The following DYRK3 variants were observed in gnomAD, a reference collection of about 807,000 sequenced individuals.
DYRK3 encodes dual specificity tyrosine-phosphorylation-regulated kinase 3.
DYRK3 carries 30 observed loss-of-function variants against 40.8 expected under a neutral mutation model. The observed-to-expected ratio is 0.74, with a 90% CI of 0.55 to 1.00. DYRK3 has a LOEUF of 1.00. Ranked by LOEUF, DYRK3 falls within the 50% of genes least tolerant of loss-of-function variation. DYRK3 has a pLI of 0.00. For synonymous variants in DYRK3, 272 were observed against 260.7 expected (o/e 1.04, Z -0.42); for missense variants, 699 against 731.5 (o/e 0.96, Z 0.51).
In DYRK3 at chr1:206,648,800, C is replaced by G. The variant is rs781832844; in HGVS notation, c.1602C>G (p.Asp534Glu). The change falls in exon 3 of 3, where the codon GAC becomes GAG. Residue 534 changes from aspartate to glutamate, a missense_variant. Physicochemically the swap from Asp to Glu is conservative, Grantham distance 45. Transcript: ENST00000367109. Reference protein sequence around the residue: ...KSVPRPLTTIDKVSGKRVVNP... With the variant: ...KSVPRPLTTIEKVSGKRVVNP... ...TCCCCAGACCTCTCACCACCATAGA[C>G]AAGGTGTCAGGGAAACGGGTAGTTA... The G allele has an allele frequency of 1.2e-6, 2 of 1,614,100 alleles. No individual in the cohort carries two copies. Among genetic ancestry groups the G allele is most frequent in the African/African-American group, 2.7e-5 (2 of 74,934 alleles).
Position 206,651,596 on chromosome 1 carries a change from A to G in DYRK3, c.*2631A>G, listed in dbSNP as rs1671634258. Among the ~76,000 whole-genome samples, 1 of 152,218 alleles carries G rather than the reference A, an allele frequency of 6.6e-6. No individual in the cohort carries two copies. The highest frequency in any genetic ancestry group is 2.1e-4 in the South Asian group (1 of 4,834). ...GATATGAGCTTACATTGACTTATGA[A>G]TGGTTTTCCTGTAGGCCCAACAGTG... On this transcript the variant is annotated 3_prime_UTR_variant, in exon 3 of 3. Coordinates refer to ENST00000367109, the MANE Select transcript of DYRK3 (RefSeq NM_003582.4).
In DYRK3 at chr1:206,652,052, G is replaced by C. The variant is rs1553421393; in HGVS notation, c.*3087G>C. 6.6e-6 allele frequency among the ~76,000 whole-genome samples: 1 copy of C among 152,118 alleles called. No individual in the cohort carries two copies. The highest frequency in any genetic ancestry group is 1.5e-5 in the Non-Finnish European group (1 of 68,004). On this transcript the variant is annotated 3_prime_UTR_variant, in exon 3 of 3. Coordinates refer to ENST00000367109, the MANE Select transcript of DYRK3 (RefSeq NM_003582.4). ...ACTGTCTTCCAAGAGTGAATGCATT[G>C]GCCTTTGGAACTGCTGCTAAAGCCA...
chr1:206,646,453 T>C (rs1671457980), intron 2 of DYRK3, among the ~76,000 whole-genome samples: 1 of 151,912 alleles, frequency 6.6e-6, no homozygotes, highest in Admixed American at 6.6e-5. Flanking sequence ...GTGAAAGGAG[T>C]AGTACTCCTT....
intron 2 of DYRK3, 29 bp from the exon 3 acceptor site, chr1:206,647,359 A>G (rs782786623): frequency 2.0e-6 from 3 of 1,536,790 alleles, no homozygotes; most frequent in Non-Finnish European, 2.6e-6. Flanking sequence ...AATGTTTTTA[A>G]TGACTTATAT....
rs937980559 is a variant in DYRK3, at chr1:206,652,416, G to A, written c.*3451G>A. ...AGGGGCCTGTGGCTGAGGTTGGTGC[G>A]TGCTCTATTTCTGTGTATCGAATGG... On this transcript the variant is annotated 3_prime_UTR_variant, in exon 3 of 3. Coordinates refer to ENST00000367109, the MANE Select transcript of DYRK3 (RefSeq NM_003582.4). Among the ~76,000 whole-genome samples, 1 of 152,154 alleles carries A rather than the reference G, an allele frequency of 6.6e-6. No homozygotes were observed. Among genetic ancestry groups the A allele is most frequent in the East Asian group, 1.9e-4 (1 of 5,198 alleles).
Position 206,647,852 on chromosome 1 carries a change from G to C in DYRK3, c.654G>C (p.Gly218=), listed in dbSNP as rs782222319. Residue 218 remains glycine (G), a synonymous_variant, in exon 3 of 3, where the codon GGG becomes GGC. Coordinates refer to ENST00000367109, the MANE Select transcript of DYRK3 (RefSeq NM_003582.4). ...RYEVLKIIGK[G]SFGQVARVYD... ...AGGTGCTGAAAATTATTGGCAAGGG[G>C]AGTTTTGGGCAGGTGGCCAGGGTCT... 3 of 1,614,094 alleles carry C rather than the reference G, an allele frequency of 1.9e-6. No individual in the cohort carries two copies. Among genetic ancestry groups the C allele is most frequent in the Non-Finnish European group, 2.5e-6 (3 of 1,180,024 alleles).
At chr1:206,644,505 T>C (rs1419959207) in intron 2 of DYRK3, among the ~76,000 whole-genome samples, 1 of 152,214 alleles carries the variant, frequency 6.6e-6, no homozygotes, top group Non-Finnish European at 1.5e-5. Context: ...TGTTTGTTTT[T>C]GTTATGTAAA....
rs782012801 is a variant in DYRK3, at chr1:206,649,006, T to C, written c.*41T>C. The C allele has an allele frequency of 1.7e-5, 26 of 1,524,868 alleles. No homozygotes were observed. The highest frequency in any genetic ancestry group is 1.3e-5 in the South Asian group (1 of 78,938). 94.5% of individuals were successfully genotyped at this position (1,524,868 alleles called of 1,614,324 possible). ...CCAGAGATGCATATGTGTATATTTTTATGATCTTACAAACCTGCAAATGGA... is the reference window on the plus strand; with the variant it reads ...CCAGAGATGCATATGTGTATATTTTCATGATCTTACAAACCTGCAAATGGA... On this transcript the variant is annotated 3_prime_UTR_variant, in exon 3 of 3. Transcript: ENST00000367109.
rs1553421127 is a variant in DYRK3, at chr1:206,650,170, C to T, written c.*1205C>T. On this transcript the variant is annotated 3_prime_UTR_variant, in exon 3 of 3. Coordinates refer to ENST00000367109, the MANE Select transcript of DYRK3 (RefSeq NM_003582.4). Reference sequence around the variant, plus strand: ...CCTACTTACAAGGGTGGAGACGGGACAGAAGCTAACTCACTGCTACTGGGT... The same window carrying T: ...CCTACTTACAAGGGTGGAGACGGGATAGAAGCTAACTCACTGCTACTGGGT... Among the ~76,000 whole-genome samples the T allele has an allele frequency of 6.6e-6, 1 of 152,230 alleles. No individual in the cohort carries two copies. Among genetic ancestry groups the T allele is most frequent in the Non-Finnish European group, 1.5e-5 (1 of 68,046 alleles).
intron 1 of DYRK3, 67 bp downstream of exon 1, chr1:206,635,847 T>A (rs1671088472): frequency 1.6e-6 from 2 of 1,240,436 alleles, no homozygotes; most frequent in Non-Finnish European, 2.0e-6. Flanking sequence ...CAAGCGAAGC[T>A]TGGGGGTGGG....
In DYRK3 at chr1:206,647,662, C is replaced by T. The variant is rs1236822537; in HGVS notation, c.464C>T (p.Thr155Ile). Residue 155 changes from threonine to isoleucine, a missense_variant, in exon 3 of 3, where the codon ACT becomes ATT. Physicochemically the swap from Thr to Ile is moderately conservative, Grantham distance 89. Coordinates refer to ENST00000367109, the MANE Select transcript of DYRK3 (RefSeq NM_003582.4). ...CTGAAGCAATATAAACACCACCTCACTGCCTATGAGAAACTGGAAATAATT... is the reference window on the plus strand; with the variant it reads ...CTGAAGCAATATAAACACCACCTCATTGCCTATGAGAAACTGGAAATAATT... The part of the protein sequence containing the change: ...QALKQYKHHL[T>I]AYEKLEIINY... The T allele has an allele frequency of 1.2e-6, 2 of 1,614,182 alleles. No individual in the cohort carries two copies. The highest frequency in any genetic ancestry group is 1.7e-5 in the Admixed American group (1 of 60,012).
Position 206,647,636 on chromosome 1 carries a change from C to T in DYRK3, c.438C>T (p.Ala146=), listed in dbSNP as rs1671493850. 1.9e-6 allele frequency: 3 copies of T among 1,614,070 alleles called. No individual in the cohort carries two copies. Among genetic ancestry groups the T allele is most frequent in the Non-Finnish European group, 2.5e-6 (3 of 1,180,006 alleles). The stretch of plus-strand genomic sequence containing the variant: ...TGGTGCCTCTGACTCCAGAACAAGC[C>T]CTGAAGCAATATAAACACCACCTCA... ...PKVVPLTPEQ[A]LKQYKHHLTA... The change falls in exon 3 of 3, where the codon GCC becomes GCT. Residue 146 remains alanine, a synonymous_variant. Transcript: ENST00000367109.
At chr1:206,637,904 A>G (rs1671164400) in intron 2 of DYRK3, 143 bp downstream of exon 2, 1 of 578,716 alleles carries the variant, frequency 1.7e-6, no homozygotes, top group South Asian at 2.6e-5. Flanking sequence ...TTGGAATAAC[A>G]ATGTCTGTGG....
chr1:206,636,863 GT>G lies in DYRK3; in HGVS notation c.78-785del, dbSNP rs782107506. ...TAAATAAATCCTCTCCGTCTTTTGTGTTCCCTTACAGTGGTGGAGCCACAGT... is the reference window on the plus strand; with the variant it reads ...TAAATAAATCCTCTCCGTCTTTTGTGTCCCTTACAGTGGTGGAGCCACAGT... On this transcript the variant is annotated intron_variant, in intron 1 of 2. Transcript: ENST00000367109. 1,721 of 1,570,216 alleles carry G rather than the reference GT, an allele frequency of 1.1e-3. 3 individuals are homozygous for G. Among genetic ancestry groups the G allele is most frequent in the Non-Finnish European group, 1.4e-3 (1,646 of 1,152,244 alleles).
Position 206,648,230 on chromosome 1 carries a change from A to G in DYRK3, c.1032A>G (p.Lys344=), listed in dbSNP as rs1231881058. The change falls in exon 3 of 3, where the codon AAA becomes AAG. Residue 344 remains lysine (K), a synonymous_variant. Coordinates refer to ENST00000367109, the MANE Select transcript of DYRK3 (RefSeq NM_003582.4). The stretch of plus-strand genomic sequence containing the variant: ...TGAAGCCAGAAAACATTCTCCTGAA[A>G]CACCACGGGCGCAGTTCAACCAAGG... ...CDLKPENILL[K]HHGRSSTKVI... is the part of the protein sequence containing the mutation. The G allele has an allele frequency of 6.2e-7, 1 of 1,614,066 alleles. No individual in the cohort carries two copies. Among genetic ancestry groups the G allele is most frequent in the Non-Finnish European group, 8.5e-7 (1 of 1,180,046 alleles).
Position 206,650,268 on chromosome 1 carries a change from C to T in DYRK3, c.*1303C>T, listed in dbSNP as rs545658843. ...AACAAAAGTATGCTCAAGTTCTATC[C>T]TAAATGTGTGCTCTTGGCTGGGTAT... On this transcript the variant is annotated 3_prime_UTR_variant, in exon 3 of 3. Transcript: ENST00000367109. Among the ~76,000 whole-genome samples, 1 of 152,288 alleles carries T rather than the reference C, an allele frequency of 6.6e-6. No individual in the cohort carries two copies. The highest frequency in any genetic ancestry group is 2.1e-4 in the South Asian group (1 of 4,822).
At chr1:206,636,719 CATT>C (rs1225943050) in intron 1 of DYRK3, among the ~76,000 whole-genome samples, 1 of 152,110 alleles carries the variant, frequency 6.6e-6, no homozygotes, top group Non-Finnish European at 1.5e-5. Context: ...GCAACATCAT[CATT>C]GTTATATTCA....
In DYRK3 at chr1:206,654,718, C is replaced by T. The variant is rs562278682; in HGVS notation, c.*5753C>T. Among the ~76,000 whole-genome samples, 1 of 152,154 alleles carries T rather than the reference C, an allele frequency of 6.6e-6. No homozygotes were observed. The highest frequency in any genetic ancestry group is 1.5e-5 in the Non-Finnish European group (1 of 68,038). ...AACCCATCCATAAAAGGACTAAAAG[C>T]TCTCTCTGGTCCCTGAGATCCACAA... On this transcript the variant is annotated 3_prime_UTR_variant, in exon 3 of 3. Transcript: ENST00000367109.
chr1:206,647,887 A>T lies in DYRK3; in HGVS notation c.689A>T (p.Lys230Ile). 6.2e-7 allele frequency: 1 copy of T among 1,614,110 alleles called. No homozygotes were observed. ...FGQVARVYDH[K>I]LRQYVALKMV... ...CAGGTGGCCAGGGTCTATGATCACA[A>T]ACTTCGACAGTACGTGGCCCTAAAA... is the stretch of plus-strand genomic sequence containing the variant. Residue 230 changes from lysine to isoleucine, a missense_variant, in exon 3 of 3, where the codon AAA becomes ATA. By Grantham distance (102) the Lys-to-Ile change is moderately radical (BLOSUM62 -3). Coordinates refer to ENST00000367109, the MANE Select transcript of DYRK3 (RefSeq NM_003582.4).
Sources: allele counts gnomAD v4.1 joint callset (sites outside exome capture counted in the v4.1 genomes callset), GRCh38; gene constraint gnomAD v4.1.1; transcripts MANE v1.5; gene names NCBI Gene and HGNC (gene_info 2026-07-23, HGNC 2026-07-21).